SLC25A48: variants seen among roughly 807,000 people sequenced by gnomAD.
SLC25A48 encodes solute carrier family 25 member 48.
In SLC25A48, 29 loss-of-function variants were observed where a neutral mutation model predicts 32.2. That is an observed-to-expected ratio of 0.90 (90% CI 0.67 to 1.23). SLC25A48 has a LOEUF of 1.23. Among genes scored for constraint, SLC25A48 ranks in the 50% most tolerant of loss-of-function variants. SLC25A48 has a pLI of 0.00. For synonymous variants in SLC25A48, 164 were observed against 172.3 expected, an observed-to-expected ratio of 0.95 and a Z score of 0.38; for missense variants, 399 against 422.7, an observed-to-expected ratio of 0.94 and a Z score of 0.49.
intron 3 of SLC25A48, among the ~76,000 whole-genome samples, chr5:135,665,275 G>C (rs1753493478): frequency 6.6e-6 from 1 of 151,882 alleles, no homozygotes; most frequent in African/African-American, 2.4e-5. Context: ...GGGATTATTT[G>C]TTGTTTTTTT....
intron 3 of SLC25A48, among the ~76,000 whole-genome samples, chr5:135,641,107 A>T (rs1212426105): frequency 6.6e-6 from 1 of 152,202 alleles, no homozygotes; most frequent in Admixed American, 6.5e-5. Flanking sequence ...AATCTACAGA[A>T]AAAAATACTG....
At position 135,595,510 on chromosome 5, in the gene SLC25A48, A is replaced by G. The variant is rs144972116; in HGVS notation, c.-849+15913A>G. 2.0e-4 allele frequency among the ~76,000 whole-genome samples: 30 copies of G among 152,284 alleles called. No individual in the cohort carries two copies. The East Asian group carries it at 5.4e-3, about 27-fold the overall frequency. On this transcript the variant is annotated intron_variant, in intron 1 of 10. Transcript: ENST00000646290. ...GGAACTCCCCCTTGGCAAGTTAGAA[A>G]AGCTGTCGTGTCTGTCACCTTGAAA...
intron 1 of SLC25A48, among the ~76,000 whole-genome samples, chr5:135,584,536 A>T (rs545726325): frequency 6.6e-6 from 1 of 152,364 alleles, no homozygotes; most frequent in South Asian, 2.1e-4. Flanking sequence ...TCACTTAAGC[A>T]TCACTCATGG....
intron 3 of SLC25A48, among the ~76,000 whole-genome samples, chr5:135,637,661 C>T (rs2126913376): frequency 6.6e-6 from 1 of 152,308 alleles, no homozygotes; most frequent in African/African-American, 2.4e-5. Context: ...TGGTAGATAG[C>T]AAAGCACAGA....
chr5:135,870,893 A>AT (rs1263480145), intron 4 of SLC25A48, among the ~76,000 whole-genome samples: 31 of 151,120 alleles, frequency 2.1e-4, no homozygotes, highest in Admixed American at 7.2e-4. Flanking sequence ...TATTTATTTT[A>AT]TTTTTATAAA....
chr5:135,697,301 G>GT (rs1554122590), intron 3 of SLC25A48, among the ~76,000 whole-genome samples: 1 of 151,668 alleles, frequency 6.6e-6, no homozygotes, highest in African/African-American at 2.4e-5. Context: ...GCAACACAGA[G>GT]GCTGCCCCTC....
rs141441456 is a variant in SLC25A48 at position 135,593,300 on chromosome 5, A to C, written c.-849+13703A>C. Among the ~76,000 whole-genome samples the C allele has an allele frequency of 3.8e-3, 574 of 152,272 alleles. 1 individual carries two copies. The highest frequency in any genetic ancestry group is 5.9e-3 in the Non-Finnish European group (400 of 68,018). The stretch of plus-strand genomic sequence containing the variant: ...CTATGTGCATGGCAGGGCCACAGGA[A>C]GATGCTGAGTATAGGCTTCTTGTTC... On this transcript the variant is annotated intron_variant, in intron 1 of 10. Coordinates refer to the SLC25A48 transcript ENST00000646290.
chr5:135,680,563 G>A (rs964898952), intron 3 of SLC25A48, among the ~76,000 whole-genome samples: 1 of 152,338 alleles, frequency 6.6e-6, no homozygotes, highest in Non-Finnish European at 1.5e-5. Context: ...TGGCTGGGAA[G>A]ACCTCACAAT....
At position 135,886,636 on chromosome 5, in the gene SLC25A48, T is replaced by TATAA. The variant is rs1554088462; in HGVS notation, c.*8-1395_*8-1394insTAAA. On this transcript the variant is annotated intron_variant, in intron 7 of 7. Transcript: ENST00000681962. ...ATATATATATATATATATATATATA[T>TATAA]AAAATATATATATGTGTGTGTGTGT... Among the ~76,000 whole-genome samples the TATAA allele has an allele frequency of 6.0e-4, 18 of 30,118 alleles. 1 individual carries two copies. Among genetic ancestry groups the TATAA allele is most frequent in the South Asian group, 2.4e-3 (2 of 834 alleles). The allele number at this position is 30,118 out of a possible 152,430, so 19.8% of individuals were successfully genotyped here.
intron 1 of SLC25A48, among the ~76,000 whole-genome samples, chr5:135,606,233 G>A (rs1751930224): frequency 6.6e-6 from 1 of 152,160 alleles, no homozygotes; most frequent in African/African-American, 2.4e-5. Flanking sequence ...TGTCAGGGAG[G>A]TGGTCTGGGT....
intron 5 of SLC25A48, chr5:135,872,181 T>C (rs11960025): frequency 0.19 from 69,048 of 358,468 alleles, 9,687 homozygotes; most frequent in African/African-American, 0.5. Context: ...GACTCTGCAG[T>C]CAGAAAGATT....
chr5:135,775,054 A>T (rs10463933), intron 3 of SLC25A48, among the ~76,000 whole-genome samples: 45,917 of 151,614 alleles, frequency 0.3, 7,110 homozygotes, highest in East Asian at 0.46. Context: ...CACACACCCT[A>T]TGATACTGTT....
At chr5:135,762,194 G>A (rs1035783115) in intron 3 of SLC25A48, among the ~76,000 whole-genome samples, 2 of 152,230 alleles carry the variant, frequency 1.3e-5, no homozygotes, top group Non-Finnish European at 2.9e-5. Context: ...CACGTGGCCA[G>A]TGGCTATCAT....
chr5:135,729,416 G>A (rs542483717), intron 3 of SLC25A48, among the ~76,000 whole-genome samples: 92 of 152,026 alleles, frequency 6.1e-4, no homozygotes, highest in African/African-American at 2.0e-3. Context: ...TGGAAAGACC[G>A]CAGTGTTCTT....
chr5:135,848,034 C>A (rs1759555798), intron 2 of SLC25A48, among the ~76,000 whole-genome samples: 1 of 152,174 alleles, frequency 6.6e-6, no homozygotes. Flanking sequence ...GCAGTTGGTG[C>A]ATAATAAATG....
intron 3 of SLC25A48, among the ~76,000 whole-genome samples, chr5:135,670,226 AG>A (rs755055570): frequency 1.3e-5 from 2 of 152,138 alleles, no homozygotes; most frequent in Non-Finnish European, 2.9e-5. Context: ...AGGTGTGAAA[AG>A]GGAGTATCAA....
At chr5:135,663,832 A>AAAATCTCATGACAGACAAGTTCCCCTC (rs1296473890) in intron 3 of SLC25A48, among the ~76,000 whole-genome samples, 1 of 152,150 alleles carries the variant, frequency 6.6e-6, no homozygotes, top group Non-Finnish European at 1.5e-5. Context: ...TCACAAAAAA[A>AAAATCTCATGACAGACAAGTTCCCCTC]AAATCTCATG....
At chr5:135,701,369 C>T (rs1451473847) in intron 3 of SLC25A48, among the ~76,000 whole-genome samples, 1 of 152,158 alleles carries the variant, frequency 6.6e-6, no homozygotes, top group Non-Finnish European at 1.5e-5. Context: ...CACCTCTACC[C>T]TGTTCTCACC....
chr5:135,743,716 G>A (rs1466982796), intron 3 of SLC25A48, among the ~76,000 whole-genome samples: 1 of 152,154 alleles, frequency 6.6e-6, no homozygotes, highest in African/African-American at 2.4e-5. Flanking sequence ...TCCCAACCTT[G>A]GATCAAAGCA....
Sources: allele counts gnomAD v4.1 joint callset (sites outside exome capture counted in the v4.1 genomes callset), GRCh38; gene constraint gnomAD v4.1.1; transcripts MANE v1.5; gene names NCBI Gene and HGNC (gene_info 2026-07-23, HGNC 2026-07-21).